Variants in EPHA6 observed in about 807,000 individuals in gnomAD.
EPHA6 encodes the protein EPH receptor A6, also known as ephrin type-A receptor 6.
A neutral mutation model predicts 112.0 loss-of-function variants in EPHA6; 50 were observed. The observed-to-expected ratio is 0.45, with a 90% CI of 0.36 to 0.56. The LOEUF is 0.56. EPHA6 is among the 20% of genes least tolerant of loss of function. EPHA6 has a pLI of 0.00. For synonymous variants in EPHA6, 529 were observed against 490.7 expected, an observed-to-expected ratio of 1.08 and a Z score of -1.03; for missense variants, 1,280 against 1,417.4, an observed-to-expected ratio of 0.90 and a Z score of 1.56.
At chr3:97,703,148 C>G (rs369789734) in intron 14 of EPHA6, among the ~76,000 whole-genome samples, 24 of 152,230 alleles carry the variant, frequency 1.6e-4, no homozygotes, top group African/African-American at 5.5e-4. Flanking sequence ...GAAACTTCCT[C>G]TAGATTCCTA....
chr3:97,397,006 G>A (rs1191637715), intron 5 of EPHA6, among the ~76,000 whole-genome samples: 1 of 151,372 alleles, frequency 6.6e-6, no homozygotes, highest in Non-Finnish European at 1.5e-5. Context: ...CATCAGAAAG[G>A]TTTATATTTA....
intron 2 of EPHA6, among the ~76,000 whole-genome samples, chr3:96,944,034 C>G (rs75395277): frequency 0.014 from 2,194 of 152,148 alleles, 58 homozygotes; most frequent in African/African-American, 0.05. Flanking sequence ...CCCTTTTTAG[C>G]TATTACACAT....
intron 5 of EPHA6, among the ~76,000 whole-genome samples, chr3:97,301,924 C>G (rs1055829197): frequency 6.6e-6 from 1 of 152,002 alleles, no homozygotes; most frequent in Non-Finnish European, 1.5e-5. Context: ...AGCCGCATCA[C>G]CTAGCAGAGA....
intron 3 of EPHA6, chr3:96,994,357 CA>C (rs1177467172): frequency 8.9e-6 from 2 of 223,550 alleles, no homozygotes; most frequent in Non-Finnish European, 1.9e-5. Flanking sequence ...ACAGATTTAA[CA>C]TTGTTTTAAT....
rs190976346 is a variant in EPHA6, at chr3:97,060,763, A to T, written c.1114+72770A>T. Among the ~76,000 whole-genome samples, 841 of 151,488 alleles carry T rather than the reference A, an allele frequency of 5.6e-3. 7 individuals are homozygous for T. The highest frequency in any genetic ancestry group is 0.018 in the African/African-American group (724 of 41,296). Reference sequence around the variant, plus strand: ...TGTCTCTACTAAAAATACAAAAAAAAAATAATAATAATTAGCCGGGCGTAG... The same window carrying T: ...TGTCTCTACTAAAAATACAAAAAAATAATAATAATAATTAGCCGGGCGTAG... On this transcript the variant is annotated intron_variant, in intron 3 of 17. Coordinates refer to ENST00000389672, the MANE Select transcript of EPHA6 (RefSeq NM_001080448.3).
chr3:97,500,749 A>G (rs536579900), intron 10 of EPHA6, among the ~76,000 whole-genome samples: 23 of 152,268 alleles, frequency 1.5e-4, no homozygotes, highest in Admixed American at 6.5e-4. Context: ...TAATTCTATT[A>G]TTATCAATGG....
chr3:97,678,361 A>G (rs973582981), intron 14 of EPHA6, among the ~76,000 whole-genome samples: 38 of 152,198 alleles, frequency 2.5e-4, no homozygotes, highest in African/African-American at 8.9e-4. Context: ...ATGATGGGCC[A>G]TGAGGTTCAG....
At chr3:97,380,778 AT>A (rs1017464411) in intron 5 of EPHA6, among the ~76,000 whole-genome samples, 4 of 152,170 alleles carry the variant, frequency 2.6e-5, no homozygotes, top group Non-Finnish European at 4.4e-5. Context: ...TCTTAATAAT[AT>A]TGTAATAGTG....
intron 5 of EPHA6, among the ~76,000 whole-genome samples, chr3:97,396,511 G>A (rs9876735): frequency 0.12 from 18,168 of 151,186 alleles, 3,493 homozygotes; most frequent in African/African-American, 0.4. Flanking sequence ...AAGGATATTT[G>A]TGACATTATT....
chr3:97,001,760 A>G (rs936079067), intron 3 of EPHA6, among the ~76,000 whole-genome samples: 1 of 152,060 alleles, frequency 6.6e-6, no homozygotes, highest in East Asian at 1.9e-4. Flanking sequence ...CACTGTATAC[A>G]AGGACTATCA....
At chr3:97,483,197 T>C (rs2107495531) in intron 9 of EPHA6, among the ~76,000 whole-genome samples, 1 of 152,304 alleles carries the variant, frequency 6.6e-6, no homozygotes, top group South Asian at 2.1e-4. Context: ...AACCACACAT[T>C]AATGTTTTCT....
chr3:97,211,250 C>T (rs1177187989), intron 3 of EPHA6, among the ~76,000 whole-genome samples: 2 of 152,100 alleles, frequency 1.3e-5, no homozygotes, highest in African/African-American at 4.8e-5. Flanking sequence ...TGCCACAGTA[C>T]ATTATTTAAT....
chr3:97,023,744 G>A (rs896064951), intron 3 of EPHA6, among the ~76,000 whole-genome samples: 1 of 151,384 alleles, frequency 6.6e-6, no homozygotes, highest in Non-Finnish European at 1.5e-5. Context: ...CTCCAATAAG[G>A]AAATAACTTA....
chr3:97,551,946 C>T (rs2093034674), intron 11 of EPHA6, among the ~76,000 whole-genome samples: 1 of 151,948 alleles, frequency 6.6e-6, no homozygotes, highest in South Asian at 2.1e-4. Flanking sequence ...TAGCTTGTTC[C>T]CCAAATGGAG....
chr3:97,419,458 C>G (rs1431828569), intron 6 of EPHA6, among the ~76,000 whole-genome samples: 1 of 151,970 alleles, frequency 6.6e-6, no homozygotes, highest in Non-Finnish European at 1.5e-5. Flanking sequence ...AACCCCTTCT[C>G]TACTGAAAAT....
intron 2 of EPHA6, among the ~76,000 whole-genome samples, chr3:96,872,814 T>C (rs1461863589): frequency 1.3e-5 from 2 of 152,102 alleles, no homozygotes; most frequent in African/African-American, 4.8e-5. Flanking sequence ...GAAGTTTGAA[T>C]ACAGTATATG....
intron 5 of EPHA6, among the ~76,000 whole-genome samples, chr3:97,378,916 A>G (rs958315025): frequency 2.6e-5 from 4 of 152,154 alleles, no homozygotes; most frequent in Non-Finnish European, 5.9e-5. Flanking sequence ...TTTTGGGTTA[A>G]TGTTGAAATG....
intron 14 of EPHA6, chr3:97,646,201 G>A: frequency 6.5e-7 from 1 of 1,535,702 alleles, no homozygotes; most frequent in Non-Finnish European, 8.7e-7. Flanking sequence ...TGCGAGTCCA[G>A]CTCTGGTTAT....
chr3:96,958,789 A>G (rs1473023317), intron 2 of EPHA6, among the ~76,000 whole-genome samples: 1 of 152,112 alleles, frequency 6.6e-6, no homozygotes, highest in Non-Finnish European at 1.5e-5. Context: ...TGTTGATGAG[A>G]GATTCTTTCT....
Sources: gnomAD v4.1 joint callset for allele counts (sites outside exome capture counted in the v4.1 genomes callset) on GRCh38, gnomAD v4.1.1 for gene constraint, MANE v1.5 for transcripts, NCBI Gene and HGNC (gene_info 2026-07-23, HGNC 2026-07-21) for gene names.